OR1J2: variants seen among roughly 807,000 people sequenced by gnomAD.
OR1J2 encodes olfactory receptor 1J2.
For synonymous variants in OR1J2, 142 were observed against 99.7 expected, an observed-to-expected ratio of 1.42 and a Z score of -2.52; for missense variants, 304 against 246.1, an observed-to-expected ratio of 1.24 and a Z score of -1.57.
the OR1J2 span, among the ~76,000 whole-genome samples, chr9:122,491,198 ATGGT>A: frequency 6.6e-6 from 1 of 152,124 alleles, no homozygotes; most frequent in African/African-American, 2.4e-5. Context: ...AGCTGAGTGT[ATGGT>A]TGTGCTATTC....
chr9:122,563,919 A>G, the OR1J2 span, among the ~76,000 whole-genome samples: 4 of 152,184 alleles, frequency 2.6e-5, no homozygotes, highest in South Asian at 2.1e-4. Flanking sequence ...TCAGTTGGCT[A>G]TAGATACATG....
the OR1J2 span, chr9:122,568,569 T>A: frequency 1.3e-6 from 1 of 785,632 alleles, no homozygotes; most frequent in Non-Finnish European, 2.0e-6. Flanking sequence ...AGTCTTTGTT[T>A]CTTCTGTTTG....
the OR1J2 span, chr9:122,553,133 A>G: frequency 4.8e-6 from 7 of 1,455,480 alleles, no homozygotes; most frequent in Non-Finnish European, 6.6e-6. Context: ...ACACAGATGC[A>G]TATCTGTAAA....
At chr9:122,577,144 T>TAAAC in the OR1J2 span, among the ~76,000 whole-genome samples, 1 of 152,240 alleles carries the variant, frequency 6.6e-6, no homozygotes, top group Non-Finnish European at 1.5e-5. Context: ...GCATGTGTTA[T>TAAAC]AAACATTAAA....
the OR1J2 span, among the ~76,000 whole-genome samples, chr9:122,481,144 C>T: frequency 6.6e-6 from 1 of 152,044 alleles, no homozygotes; most frequent in Non-Finnish European, 1.5e-5. Context: ...TCTATGTGTC[C>T]ATGTGTTCTC....
the OR1J2 span, among the ~76,000 whole-genome samples, chr9:122,528,004 C>A: frequency 6.6e-6 from 1 of 152,002 alleles, no homozygotes; most frequent in Non-Finnish European, 1.5e-5. Context: ...GTACAAGGAC[C>A]CAGAGCTCAT....
the OR1J2 span, among the ~76,000 whole-genome samples, chr9:122,579,383 A>T: frequency 3.9e-5 from 6 of 152,112 alleles, no homozygotes; most frequent in African/African-American, 1.4e-4. Flanking sequence ...TTTTAAGGTA[A>T]TACCTATCCC....
the OR1J2 span, among the ~76,000 whole-genome samples, chr9:122,463,147 G>A: frequency 6.6e-6 from 1 of 152,054 alleles, no homozygotes; most frequent in East Asian, 1.9e-4. Flanking sequence ...GTCTTTGTAG[G>A]AGTGGGTTTA....
At chr9:122,558,311 CTT>C in the OR1J2 span, among the ~76,000 whole-genome samples, 96 of 34,434 alleles carry the variant, frequency 2.8e-3, no homozygotes, top group Non-Finnish European at 3.5e-3. Context: ...TTGGATTTTG[CTT>C]TTTTTTTTTT....
chr9:122,470,209 G>T, the OR1J2 span, among the ~76,000 whole-genome samples: 2 of 152,206 alleles, frequency 1.3e-5, no homozygotes, highest in African/African-American at 4.8e-5. Flanking sequence ...AAATGGTTTT[G>T]TGGGCAGGGC....
chr9:122,509,781 A>G (rs1329772835), upstream of OR1J2, among the ~76,000 whole-genome samples: 1 of 152,200 alleles, frequency 6.6e-6, no homozygotes, highest in Non-Finnish European at 1.5e-5. Flanking sequence ...GTCAATGGGA[A>G]TCCTTTGAGA....
chr9:122,498,057 TG>T, the OR1J2 span, among the ~76,000 whole-genome samples: 1 of 128,648 alleles, frequency 7.8e-6, no homozygotes, highest in African/African-American at 3.1e-5. Flanking sequence ...TGGCATGATT[TG>T]GGTTTTTTTT....
chr9:122,554,078 C>A, the OR1J2 span: 3 of 1,613,228 alleles, frequency 1.9e-6, no homozygotes, highest in Non-Finnish European at 2.5e-6. Flanking sequence ...CCACGCTAAA[C>A]CCATTCATTT....
chr9:122,512,491 G>A (rs1368713006), downstream of OR1J2, among the ~76,000 whole-genome samples: 1 of 152,192 alleles, frequency 6.6e-6, no homozygotes, highest in Non-Finnish European at 1.5e-5. Context: ...CTTGGAAGTT[G>A]TGGGACACAC....
At chr9:122,482,576 G>A in the OR1J2 span, among the ~76,000 whole-genome samples, 3 of 152,158 alleles carry the variant, frequency 2.0e-5, no homozygotes, top group Non-Finnish European at 4.4e-5. Flanking sequence ...GTTTATTGCA[G>A]CACTATTCAC....
chr9:122,571,043 A>T, the OR1J2 span, among the ~76,000 whole-genome samples: 1 of 152,338 alleles, frequency 6.6e-6, no homozygotes, highest in Admixed American at 6.5e-5. Context: ...ATATCTTACA[A>T]TCGTGCATTG....
the OR1J2 span, among the ~76,000 whole-genome samples, chr9:122,538,260 G>A: frequency 1.3e-5 from 2 of 151,784 alleles, no homozygotes; most frequent in South Asian, 4.2e-4. Flanking sequence ...TGCCTGACTG[G>A]GTTTCTTCCT....
chr9:122,479,144 T>C, the OR1J2 span, among the ~76,000 whole-genome samples: 1 of 152,242 alleles, frequency 6.6e-6, no homozygotes, highest in Non-Finnish European at 1.5e-5. Context: ...ACCACACATG[T>C]GACAATGTCT....
the OR1J2 span, among the ~76,000 whole-genome samples, chr9:122,459,660 G>A: frequency 1.3e-5 from 2 of 152,040 alleles, no homozygotes; most frequent in Non-Finnish European, 2.9e-5. Context: ...CAATGTAGTT[G>A]GACATTTCTT....
Sources: allele counts gnomAD v4.1 joint callset (sites outside exome capture counted in the v4.1 genomes callset), GRCh38; gene constraint gnomAD v4.1.1; transcripts MANE v1.5; gene names NCBI Gene and HGNC (gene_info 2026-07-23, HGNC 2026-07-21).